The following ROCK2 variants were observed in gnomAD, a reference collection of about 807,000 sequenced individuals.
The protein encoded by ROCK2 is rho-associated protein kinase 2.
In ROCK2, 61 loss-of-function variants were observed where a neutral mutation model predicts 195.1. The observed-to-expected ratio is 0.31, with a 90% CI of 0.25 to 0.39. The LOEUF is 0.39. Ranked by LOEUF, ROCK2 falls within the 10% of genes least tolerant of loss-of-function variation. The pLI is 1.00. For missense variants in ROCK2, 1,109 were observed against 1,637.4 expected, an observed-to-expected ratio of 0.68 and a Z score of 5.57; for synonymous variants, 504 against 545.5, an observed-to-expected ratio of 0.92 and a Z score of 1.06.
intron 9 of ROCK2, among the ~76,000 whole-genome samples, chr2:11,220,414 G>A (rs1470303223): frequency 6.6e-6 from 1 of 152,056 alleles, no homozygotes; most frequent in Non-Finnish European, 1.5e-5. Context: ...CTCCCAAAGT[G>A]CTAGGATTAC....
intron 3 of ROCK2, among the ~76,000 whole-genome samples, chr2:11,259,262 A>G (rs1053394831): frequency 1.3e-5 from 2 of 150,466 alleles, no homozygotes; most frequent in African/African-American, 5.0e-5. Context: ...ATTTAAATGG[A>G]TGACTTTTCC....
At chr2:11,254,644 C>T (rs1376240894) in intron 3 of ROCK2, among the ~76,000 whole-genome samples, 1 of 145,898 alleles carries the variant, frequency 6.9e-6, no homozygotes. Context: ...CCTGTAATCC[C>T]AGCACTTTGG....
rs35159426 is a variant in ROCK2 at position 11,219,336 on chromosome 2, CAA to C, written c.1260-312_1260-311del. ...TCAACATGGTGAAACCTTATCTCTA[CAA>C]AAAAAAAAAAAAAAAAAAAAAAATT... On this transcript the variant is annotated intron_variant, in intron 9 of 32. Transcript: ENST00000315872. Among the ~76,000 whole-genome samples the C allele has an allele frequency of 2.7e-4, 18 of 67,384 alleles. 1 individual carries two copies. Among genetic ancestry groups the C allele is most frequent in the South Asian group, 2.1e-3 (3 of 1,418 alleles). 44.2% of individuals were successfully genotyped at this position (67,384 alleles called of 152,430 possible). A position where few individuals can be genotyped will look rare whatever the true frequency, so the allele number is the denominator to read the frequency against.
chr2:11,216,004 A>T (rs1664412957), intron 13 of ROCK2, among the ~76,000 whole-genome samples, 154 bp downstream of exon 13: 1 of 152,216 alleles, frequency 6.6e-6, no homozygotes, highest in Non-Finnish European at 1.5e-5. Context: ...CCTATTTATA[A>T]CATGATTTCC....
upstream of ROCK2, among the ~76,000 whole-genome samples, chr2:11,344,777 C>A (rs940396423): frequency 1.1e-4 from 17 of 150,416 alleles, no homozygotes; most frequent in East Asian, 2.7e-3. The surrounding 1 kb of genome is among the most constrained non-coding windows in gnomAD (Gnocchi z 5.4). Context: ...GCGTCTGTCC[C>A]GCTCCGCTTT....
intron 1 of ROCK2, among the ~76,000 whole-genome samples, chr2:11,314,331 T>C (rs1018498068): frequency 1.3e-5 from 2 of 151,898 alleles, no homozygotes; most frequent in African/African-American, 4.8e-5. Context: ...CTGTATGTTC[T>C]TTAAAGAAAC....
At chr2:11,280,656 G>A (rs1666970111) in intron 3 of ROCK2, among the ~76,000 whole-genome samples, 5 of 151,948 alleles carry the variant, frequency 3.3e-5, no homozygotes, top group Admixed American at 3.3e-4. Context: ...ATAACTCTAT[G>A]CCCACAAATT....
At chr2:11,276,129 A>G (rs1421065722) in intron 3 of ROCK2, among the ~76,000 whole-genome samples, 1 of 152,254 alleles carries the variant, frequency 6.6e-6, no homozygotes, top group Middle Eastern at 3.2e-3. Flanking sequence ...TGAAAGTCTA[A>G]AAGTTTTTCC....
intron 3 of ROCK2, among the ~76,000 whole-genome samples, chr2:11,285,256 C>CT (rs1292132732): frequency 8.4e-6 from 1 of 119,566 alleles, no homozygotes; most frequent in Non-Finnish European, 1.7e-5. Flanking sequence ...GAGTGAAACT[C>CT]TGTCTAAAAA....
intron 16 of ROCK2, 24 bp downstream of exon 16, chr2:11,214,816 C>A: frequency 6.3e-7 from 1 of 1,575,816 alleles, no homozygotes; most frequent in Non-Finnish European, 8.6e-7. Context: ...AAAATTAATT[C>A]AAGTGCAACC....
At chr2:11,189,010 C>T (rs534823468) in intron 32 of ROCK2, among the ~76,000 whole-genome samples, 2 of 151,234 alleles carry the variant, frequency 1.3e-5, no homozygotes, top group South Asian at 4.2e-4. Flanking sequence ...ACACTCCAGC[C>T]TGGGTGACAG....
chr2:11,254,587 A>T (rs955306081), intron 3 of ROCK2, among the ~76,000 whole-genome samples: 9 of 151,892 alleles, frequency 5.9e-5, no homozygotes, highest in African/African-American at 2.2e-4. Context: ...AGAACACAGG[A>T]TTTCCAGACA....
At chr2:11,208,601 C>CT (rs34964630) in intron 18 of ROCK2, among the ~76,000 whole-genome samples, 154 bp from the exon 19 acceptor site, 62,565 of 140,114 alleles carry the variant, frequency 0.45, 15,340 homozygotes, top group Non-Finnish European at 0.54. Context: ...TTTTTCTTTT[C>CT]TTTTTTTTTT....
At chr2:11,224,990 A>G (rs1664764358) in intron 6 of ROCK2, among the ~76,000 whole-genome samples, 1 of 152,236 alleles carries the variant, frequency 6.6e-6, no homozygotes, top group Non-Finnish European at 1.5e-5. Flanking sequence ...TGGTCACCAC[A>G]CTGGACAGCA....
intron 3 of ROCK2, among the ~76,000 whole-genome samples, chr2:11,252,743 T>C (rs750290191): frequency 2.6e-5 from 4 of 151,332 alleles, no homozygotes; most frequent in African/African-American, 7.3e-5. Flanking sequence ...TAAGTGGGAG[T>C]TGAACAATGA....
chr2:11,229,360 G>A (rs1664920889), intron 5 of ROCK2, among the ~76,000 whole-genome samples: 1 of 151,940 alleles, frequency 6.6e-6, no homozygotes, highest in South Asian at 2.1e-4. Context: ...TTTATAACAA[G>A]TCTCTAACCC....
intron 1 of ROCK2, among the ~76,000 whole-genome samples, chr2:11,332,099 C>T (rs573409822): frequency 1.3e-5 from 2 of 151,992 alleles, no homozygotes; most frequent in African/African-American, 4.8e-5. Context: ...GCTATGATCA[C>T]ACTGCGCTCC....
chr2:11,191,172 C>T (rs1663407762), intron 32 of ROCK2, among the ~76,000 whole-genome samples: 1 of 152,196 alleles, frequency 6.6e-6, no homozygotes, highest in Non-Finnish European at 1.5e-5. Context: ...AAAGGATATG[C>T]TTTTTCCTTT....
chr2:11,339,355 C>T (rs536947776), intron 1 of ROCK2, among the ~76,000 whole-genome samples: 20 of 151,860 alleles, frequency 1.3e-4, no homozygotes, highest in Admixed American at 1.2e-3. Flanking sequence ...TACTATACTT[C>T]GAAATTTTCT....
Sources: allele counts gnomAD v4.1 joint callset (sites outside exome capture counted in the v4.1 genomes callset), GRCh38; gene constraint gnomAD v4.1.1; non-coding constraint Gnocchi (gnomAD v3.1); transcripts MANE v1.5; gene names NCBI Gene and HGNC (gene_info 2026-07-23, HGNC 2026-07-21).